PPP2R5A: variants seen among roughly 807,000 people sequenced by gnomAD.
PPP2R5A encodes the protein serine/threonine-protein phosphatase 2A 56 kDa regulatory subunit alpha isoform.
PPP2R5A carries 25 observed loss-of-function variants against 64.2 expected under a neutral mutation model. That is an observed-to-expected ratio of 0.39 (90% CI 0.28 to 0.54). The LOEUF is 0.54. PPP2R5A is among the 20% of genes least tolerant of loss of function. PPP2R5A has a pLI of 0.67. For synonymous variants in PPP2R5A, 198 were observed against 201.2 expected (o/e 0.98, Z 0.13); for missense variants, 425 against 576.3 (o/e 0.74, Z 2.69).
At chr1:212,344,824 GCTGA>G (rs1659745712) in intron 4 of PPP2R5A, among the ~76,000 whole-genome samples, 1 of 152,098 alleles carries the variant, frequency 6.6e-6, no homozygotes, top group Non-Finnish European at 1.5e-5. Context: ...ATAGGAGAGT[GCTGA>G]CTGTGGAACT....
chr1:212,347,706 A>G (rs895571667), intron 6 of PPP2R5A, among the ~76,000 whole-genome samples: 1 of 151,690 alleles, frequency 6.6e-6, no homozygotes, highest in Non-Finnish European at 1.5e-5. Flanking sequence ...CACCCAACGA[A>G]TTTTTTAATT....
At chr1:212,297,053 C>T (rs1658705372) in intron 1 of PPP2R5A, among the ~76,000 whole-genome samples, 1 of 148,808 alleles carries the variant, frequency 6.7e-6, no homozygotes, top group Admixed American at 6.7e-5. Context: ...AATTGAGAAC[C>T]TTATCAAGAG....
chr1:212,285,783 T>G lies in PPP2R5A; in HGVS notation c.-328T>G. The G allele has an allele frequency of 4.4e-6, 1 of 227,776 alleles. No homozygotes were observed. The highest frequency in any genetic ancestry group is 8.5e-6 in the Non-Finnish European group (1 of 117,406). 14.1% of individuals were successfully genotyped at this position (227,776 alleles called of 1,614,324 possible). On this transcript the variant is annotated 5_prime_UTR_variant, in exon 1 of 13. Coordinates refer to ENST00000261461, the MANE Select transcript of PPP2R5A (RefSeq NM_006243.4). Reference sequence around the variant, plus strand: ...CCGCACCCCCGTGCCCCCGCCTCAGTTGTCTAAACTTCGGGCTCTCTTCCA... The same window carrying G: ...CCGCACCCCCGTGCCCCCGCCTCAGGTGTCTAAACTTCGGGCTCTCTTCCA...
intron 8 of PPP2R5A, chr1:212,352,813 A>G (rs1659910950): frequency 3.9e-6 from 2 of 518,936 alleles, no homozygotes; most frequent in South Asian, 2.8e-5. Flanking sequence ...AATAGCAAGC[A>G]TTTATGGCCT....
intron 3 of PPP2R5A, 140 bp from the exon 4 acceptor site, chr1:212,342,048 T>C: frequency 7.9e-7 from 1 of 1,262,264 alleles, no homozygotes; most frequent in Non-Finnish European, 1.0e-6. Flanking sequence ...ATTTTTTTTA[T>C]CAACTCATTA....
At chr1:212,355,283 GT>G (rs201220315) in intron 8 of PPP2R5A, among the ~76,000 whole-genome samples, 5 of 150,540 alleles carry the variant, frequency 3.3e-5, no homozygotes, top group South Asian at 2.1e-4. Flanking sequence ...AACTTGCAGG[GT>G]TTTTTTTTAA....
chr1:212,333,826 G>A (rs957324224), intron 3 of PPP2R5A: 28 of 354,490 alleles, frequency 7.9e-5, no homozygotes, highest in Middle Eastern at 7.3e-4. Context: ...ACAATTCAGT[G>A]GCACAAAGTA....
chr1:212,338,788 A>G (rs988493817), intron 3 of PPP2R5A, among the ~76,000 whole-genome samples: 12 of 149,090 alleles, frequency 8.0e-5, no homozygotes, highest in African/African-American at 2.9e-4. Flanking sequence ...CTCTGTCTCA[A>G]AAAAAAAAAA....
intron 8 of PPP2R5A, chr1:212,352,693 G>GC (rs1199467951): frequency 2.2e-6 from 1 of 453,874 alleles, no homozygotes; most frequent in African/African-American, 2.0e-5. Flanking sequence ...TTGGGCCCAA[G>GC]CCTGCCTTGG....
chr1:212,286,685 G>C (rs1658510528), intron 1 of PPP2R5A, among the ~76,000 whole-genome samples: 1 of 152,098 alleles, frequency 6.6e-6, no homozygotes, highest in Admixed American at 6.5e-5. Flanking sequence ...ACTTTCCCGA[G>C]TGTCAGCTCC....
intron 3 of PPP2R5A, among the ~76,000 whole-genome samples, chr1:212,337,681 A>C (rs1370392694): frequency 6.6e-6 from 1 of 152,148 alleles, no homozygotes; most frequent in African/African-American, 2.4e-5. Context: ...GGCCTTTTTC[A>C]TTGTGAATAG....
rs1018749646 is a variant in PPP2R5A, at chr1:212,336,538, C to G, written c.480+2940C>G. Among the ~76,000 whole-genome samples, 3 of 152,150 alleles carry G rather than the reference C, an allele frequency of 2.0e-5. No homozygotes were observed. The East Asian group carries it at 5.8e-4, about 29-fold the overall frequency. ...CCTTAGATATAGTTAAAAAATCTTT[C>G]TGAAAACCAAAATTTCTAGAAACCA... On this transcript the variant is annotated intron_variant, in intron 3 of 12. Transcript: ENST00000261461.
rs534955453 is a variant in PPP2R5A at position 212,301,775 on chromosome 1, C to T, written c.181+15484C>T. 170 of 1,055,010 alleles carry T rather than the reference C, an allele frequency of 1.6e-4. 1 individual carries two copies. The African/African-American group carries it at 2.3e-3, about 14-fold the overall frequency. The allele number at this position is 1,055,010 out of a possible 1,614,324, so 65.4% of individuals were successfully genotyped here. ...TTAGAATCTTGGATTGCATCCTCAG[C>T]GTGTCACTGTAGTGGTATTGCTGGG... is the stretch of plus-strand genomic sequence containing the variant. On this transcript the variant is annotated intron_variant, in intron 1 of 12. Transcript: ENST00000261461.
intron 2 of PPP2R5A, 21 bp downstream of exon 2, chr1:212,329,352 TC>T (rs1659460761): frequency 6.8e-7 from 1 of 1,481,462 alleles, no homozygotes; most frequent in Non-Finnish European, 9.0e-7. Context: ...AGAATTATGT[TC>T]CTCAGATTTA....
Position 212,285,877 on chromosome 1 carries a change from C to T in PPP2R5A, c.-234C>T, listed in dbSNP as rs2102407346. On this transcript the variant is annotated 5_prime_UTR_variant, in exon 1 of 13. Transcript: ENST00000261461. ...CGCCCCCGCCCTTCCCTCCGTCAGC[C>T]CCGGGAGCTCGCCGCGCGCCGGGGA... 1 of 401,410 alleles carries T rather than the reference C, an allele frequency of 2.5e-6. No homozygotes were observed. Among genetic ancestry groups the T allele is most frequent in the Non-Finnish European group, 4.4e-6 (1 of 229,834 alleles). 24.9% of individuals were successfully genotyped at this position (401,410 alleles called of 1,614,324 possible).
chr1:212,342,496 C>T (rs1157207457), intron 4 of PPP2R5A, among the ~76,000 whole-genome samples: 1 of 152,118 alleles, frequency 6.6e-6, no homozygotes, highest in Non-Finnish European at 1.5e-5. Context: ...ATCAAATTAT[C>T]CTATTTAATC....
At chr1:212,357,575 G>A (rs138094036) in intron 11 of PPP2R5A, 3,708 of 169,976 alleles carry the variant, frequency 0.022, 160 homozygotes, top group African/African-American at 0.084. Context: ...AGGCCGAGGC[G>A]GGCGGATCAC....
chr1:212,351,086 G>C (rs1659868701), intron 8 of PPP2R5A, among the ~76,000 whole-genome samples: 1 of 146,254 alleles, frequency 6.8e-6, no homozygotes, highest in Admixed American at 7.0e-5. Context: ...GGAGGTTACA[G>C]TGAGCCGAGA....
At chr1:212,302,956 A>G (rs1019120939) in intron 1 of PPP2R5A, among the ~76,000 whole-genome samples, 4 of 152,178 alleles carry the variant, frequency 2.6e-5, no homozygotes, top group Admixed American at 6.5e-5. Flanking sequence ...ATAATATTCT[A>G]TTGTATGGTT....
Sources: allele counts gnomAD v4.1 joint callset (sites outside exome capture counted in the v4.1 genomes callset), GRCh38; gene constraint gnomAD v4.1.1; transcripts MANE v1.5; gene names NCBI Gene and HGNC (gene_info 2026-07-23, HGNC 2026-07-21).